The following TPCN2 variants were observed in gnomAD, a reference collection of about 807,000 sequenced individuals.
TPCN2 encodes two pore channel protein 2.
In TPCN2, 92 loss-of-function variants were observed where a neutral mutation model predicts 111.4. That is an observed-to-expected ratio of 0.83 (90% CI 0.70 to 0.98). TPCN2 has a LOEUF of 0.98. TPCN2 is among the 50% of genes least tolerant of loss of function. The pLI, the probability that TPCN2 is intolerant of heterozygous loss-of-function variation, is 0.00. For missense variants in TPCN2, 995 were observed against 980.1 expected (o/e 1.02, Z -0.20); for synonymous variants, 405 against 414.5 (o/e 0.98, Z 0.28).
intron 17 of TPCN2, among the ~76,000 whole-genome samples, chr11:69,080,589 C>T (rs944675250): frequency 2.6e-5 from 4 of 152,194 alleles, no homozygotes; most frequent in Admixed American, 1.3e-4. Flanking sequence ...GTGGTTAGGC[C>T]GGGCTCCTTG....
chr11:69,084,854 G>A (rs2134642145), intron 19 of TPCN2: 2 of 965,146 alleles, frequency 2.1e-6, no homozygotes, highest in Admixed American at 6.1e-5. Flanking sequence ...AAGGGGACCA[G>A]GTTAGCCCAG....
At chr11:69,072,787 G>A in intron 12 of TPCN2, 79 bp downstream of exon 12, 2 of 1,574,992 alleles carry the variant, frequency 1.3e-6, no homozygotes, top group Non-Finnish European at 1.7e-6. Context: ...TTCAGGACTA[G>A]GGGTGTGGCT....
At chr11:69,069,510 A>G (rs1261288275) in intron 8 of TPCN2, among the ~76,000 whole-genome samples, 1 of 6,332 alleles carries the variant, frequency 1.6e-4, no homozygotes, top group African/African-American at 2.7e-4. Context: ...AAGTTACCGC[A>G]GTGGGAGCAG....
At chr11:69,073,599 T>G (rs2134595197) in intron 13 of TPCN2, among the ~76,000 whole-genome samples, 1 of 152,346 alleles carries the variant, frequency 6.6e-6, no homozygotes, top group East Asian at 1.9e-4. Flanking sequence ...CTCAGGCTCC[T>G]GGGACGGCAC....
Position 69,078,920 on chromosome 11 carries a change from A to T in TPCN2, c.1439A>T (p.Tyr480Phe). ...GILNCVFIVYYLLEMLLKVFA... is the reference protein window; with the variant it reads ...GILNCVFIVYFLLEMLLKVFA... ...CTCAACTGCGTCTTCATTGTGTACTACCTGTTGGAGATGCTGCTCAAGGTC... is the reference window on the plus strand; with the variant it reads ...CTCAACTGCGTCTTCATTGTGTACTTCCTGTTGGAGATGCTGCTCAAGGTC... The change falls in exon 16 of 25, where the codon TAC becomes TTC. Residue 480 changes from tyrosine (Y) to phenylalanine (F), a missense_variant. Coordinates refer to ENST00000294309, the MANE Select transcript of TPCN2 (RefSeq NM_139075.4). 1 of 1,613,932 alleles carries T rather than the reference A, an allele frequency of 6.2e-7. No individual in the cohort carries two copies. Among genetic ancestry groups the T allele is most frequent in the Non-Finnish European group, 8.5e-7 (1 of 1,179,980 alleles).
At chr11:69,064,002 C>T in intron 7 of TPCN2, 35 bp downstream of exon 7, 3 of 1,595,328 alleles carry the variant, frequency 1.9e-6, no homozygotes, top group Non-Finnish European at 2.6e-6. Context: ...GGGAATGGGG[C>T]TGCCCTGTGC....
chr11:69,065,678 G>A (rs1313740827), intron 7 of TPCN2, among the ~76,000 whole-genome samples: 1 of 152,198 alleles, frequency 6.6e-6, no homozygotes, highest in Non-Finnish European at 1.5e-5. Context: ...CTTTGTGAGT[G>A]CGGTCCAGAG....
At chr11:69,079,593 C>T (rs113467957) in intron 16 of TPCN2, 8 of 502,658 alleles carry the variant, frequency 1.6e-5, no homozygotes, top group African/African-American at 9.7e-5. Context: ...AGTATCTTCT[C>T]TGCCACCTCT....
At position 69,079,827 on chromosome 11, in the gene TPCN2, A is replaced by G. The variant is rs1325355895; in HGVS notation, c.1540-7A>G. 1.9e-6 allele frequency: 3 copies of G among 1,613,338 alleles called. No individual in the cohort carries two copies. The highest frequency in any genetic ancestry group is 1.3e-5 in the African/African-American group (1 of 75,020). On this transcript the variant is annotated splice_region_variant and splice_polypyrimidine_tract_variant and intron_variant, in intron 16 of 24. Coordinates refer to ENST00000294309, the MANE Select transcript of TPCN2 (RefSeq NM_139075.4). ...TAGCGAAGCCTTCTTTTCTTTTGTA[A>G]TTAAAGGTTTTGGAGATCTCAACTC... is the stretch of plus-strand genomic sequence containing the variant.
chr11:69,087,817 C>A, intron 24 of TPCN2, 58 bp from the exon 25 acceptor site: 1 of 1,422,810 alleles, frequency 7.0e-7, no homozygotes, highest in Non-Finnish European at 9.8e-7. Flanking sequence ...TTCTTGTGGG[C>A]AGGCCAGGGT....
Position 69,069,760 on chromosome 11 carries a change from TCTGAGTCCTA to T in TPCN2, c.830-669_830-660del, listed in dbSNP as rs1565087341. The stretch of plus-strand genomic sequence containing the variant: ...AGTGACCGCACTGGGAGCAGGACCG[TCTGAGTCCTA>T]GGAAGTGACCGCACTGGGAGCAGGA... On this transcript the variant is annotated intron_variant, in intron 8 of 24. Transcript: ENST00000294309. 2.9e-3 allele frequency among the ~76,000 whole-genome samples: 324 copies of T among 111,768 alleles called. 50 individuals carry two copies. The highest frequency in any genetic ancestry group is 6.0e-3 in the South Asian group (19 of 3,144). 73.3% of individuals were successfully genotyped at this position (111,768 alleles called of 152,430 possible).
At chr11:69,084,702 G>A (rs2134641706) in intron 19 of TPCN2, 4 of 985,456 alleles carry the variant, frequency 4.1e-6, no homozygotes, top group South Asian at 4.7e-5. Flanking sequence ...GTGAGAAGGT[G>A]TCTCTGGGGC....
chr11:69,064,776 G>A (rs1267423049), intron 7 of TPCN2, among the ~76,000 whole-genome samples: 1 of 152,244 alleles, frequency 6.6e-6, no homozygotes, highest in African/African-American at 2.4e-5. Flanking sequence ...GGGCGGAAGC[G>A]GTCATTGAGC....
At chr11:69,087,559 C>T (rs761540739) in intron 24 of TPCN2, among the ~76,000 whole-genome samples, 3 of 152,146 alleles carry the variant, frequency 2.0e-5, no homozygotes, top group Non-Finnish European at 2.9e-5. Context: ...CTCTGCTAGT[C>T]CAGAAAAGTG....
chr11:69,062,306 A>T (rs1855057629), intron 5 of TPCN2, among the ~76,000 whole-genome samples: 1 of 151,910 alleles, frequency 6.6e-6, no homozygotes, highest in Non-Finnish European at 1.5e-5. Flanking sequence ...ATTCAACGTG[A>T]GATTTGGAGG....
intron 6 of TPCN2, among the ~76,000 whole-genome samples, 157 bp from the exon 7 acceptor site, chr11:69,063,738 G>C (rs746394477): frequency 6.6e-5 from 10 of 152,274 alleles, no homozygotes; most frequent in Non-Finnish European, 1.2e-4. Context: ...CTGAGCATGA[G>C]GCAAGGCCCT....
chr11:69,072,510 C>T (rs11228480), intron 11 of TPCN2, 117 bp from the exon 12 acceptor site: 1 of 989,560 alleles, frequency 1.0e-6, no homozygotes, highest in Non-Finnish European at 1.5e-6. Flanking sequence ...GTGGCTCAAG[C>T]TGCAAAGTGG....
rs1856388434 is a variant in TPCN2 at position 69,089,899 on chromosome 11, C to G, written c.*1946C>G. 7.2e-6 allele frequency: 1 copy of G among 139,722 alleles called. No homozygotes were observed. Among genetic ancestry groups the G allele is most frequent in the Non-Finnish European group, 1.6e-5 (1 of 61,892 alleles). 8.7% of individuals were successfully genotyped at this position (139,722 alleles called of 1,614,324 possible). A position where few individuals can be genotyped will look rare whatever the true frequency, so the allele number is the denominator to read the frequency against. Reference sequence around the variant, plus strand: ...CTGCTTGTTTGGCCCGTGGGAGCCCCTTCTTCTGCCTTTTGTGTTTTTTTT... The same window carrying G: ...CTGCTTGTTTGGCCCGTGGGAGCCCGTTCTTCTGCCTTTTGTGTTTTTTTT... On this transcript the variant is annotated 3_prime_UTR_variant, in exon 25 of 25. Coordinates refer to ENST00000294309, the MANE Select transcript of TPCN2 (RefSeq NM_139075.4).
At chr11:69,067,157 G>A (rs1281055993) in intron 7 of TPCN2, among the ~76,000 whole-genome samples, 4 of 152,168 alleles carry the variant, frequency 2.6e-5, no homozygotes, top group South Asian at 4.1e-4. Context: ...CCTCTGCCCC[G>A]TAGCCTCACT....
Sources: allele counts gnomAD v4.1 joint callset (sites outside exome capture counted in the v4.1 genomes callset), GRCh38; gene constraint gnomAD v4.1.1; transcripts MANE v1.5; gene names NCBI Gene and HGNC (gene_info 2026-07-23, HGNC 2026-07-21).